Variants in SMC6 observed in about 807,000 individuals in gnomAD.
SMC6 encodes the protein structural maintenance of chromosomes protein 6.
Under a neutral mutation model 142.2 loss-of-function variants are expected in SMC6, and 79 were observed. The ratio of observed to expected loss-of-function variants is 0.56; its 90% CI spans 0.46 to 0.67. The LOEUF is 0.67. Ranked by LOEUF, SMC6 falls within the 30% of genes least tolerant of loss-of-function variation. SMC6 has a pLI of 0.00. For missense variants in SMC6, 1,072 were observed against 1,284.0 expected, an observed-to-expected ratio of 0.83 and a Z score of 2.52; for synonymous variants, 411 against 412.4, an observed-to-expected ratio of 1.00 and a Z score of 0.04.
intron 7 of SMC6, among the ~76,000 whole-genome samples, chr2:17,730,861 G>A (rs552376965): frequency 9.2e-5 from 14 of 151,408 alleles, no homozygotes; most frequent in African/African-American, 2.9e-4. Flanking sequence ...TGATCCACCC[G>A]CCTTGGTCTC....
chr2:17,704,618 T>A (rs1433475032), intron 18 of SMC6, among the ~76,000 whole-genome samples: 1 of 152,210 alleles, frequency 6.6e-6, no homozygotes, highest in Non-Finnish European at 1.5e-5. Context: ...TGAATATTTC[T>A]CCACATTTTA....
At chr2:17,720,051 G>C (rs1669293496) in intron 11 of SMC6, among the ~76,000 whole-genome samples, 1 of 152,096 alleles carries the variant, frequency 6.6e-6, no homozygotes, top group East Asian at 1.9e-4. Context: ...AGTAAAGAAG[G>C]AAAAAACTAG....
At chr2:17,742,099 C>T (rs533239658) in intron 3 of SMC6, among the ~76,000 whole-genome samples, 128 of 152,218 alleles carry the variant, frequency 8.4e-4, no homozygotes, top group Middle Eastern at 3.4e-3. Flanking sequence ...GTTGTGACAA[C>T]CAAAAATATG....
intron 16 of SMC6, among the ~76,000 whole-genome samples, chr2:17,712,756 G>A (rs754305081): frequency 1.3e-5 from 2 of 152,060 alleles, no homozygotes; most frequent in African/African-American, 2.4e-5. Flanking sequence ...AATTCATACC[G>A]AAAAATTTCT....
intron 24 of SMC6, chr2:17,680,293 T>C (rs1361730176): frequency 6.6e-6 from 1 of 152,220 alleles, no homozygotes. Flanking sequence ...AGTTCCAGAC[T>C]ACCACAAAAA....
rs3747514 is a variant in SMC6 at position 17,753,771 on chromosome 2, T to C, written c.-238A>G. 0.05 allele frequency: 7,564 copies of C among 152,148 alleles called. 209 individuals carry two copies. The highest frequency in any genetic ancestry group is 0.099 in the Middle Eastern group (29 of 294). 9.4% of individuals were successfully genotyped at this position (152,148 alleles called of 1,614,324 possible). ...ACCGCGTGCCGGCCGCAGGAGAAGG[T>C]AGATTCCCGGGAGCCCCGGCGCCCA... On this transcript the variant is annotated 5_prime_UTR_variant, in exon 1 of 28. Coordinates refer to ENST00000448223, the MANE Select transcript of SMC6 (RefSeq NM_001142286.2).
rs895056935 is a variant in SMC6, at chr2:17,714,083, G to GT, written c.1730+777dup. The stretch of plus-strand genomic sequence containing the variant: ...GAATAGATATATACATTCATTTTTT[G>GT]TTTTTTTTGTTTTTTTTTTTTTTGA... On this transcript the variant is annotated intron_variant, in intron 16 of 27. Coordinates refer to ENST00000448223, the MANE Select transcript of SMC6 (RefSeq NM_001142286.2). Among the ~76,000 whole-genome samples the GT allele has an allele frequency of 1.1e-4, 13 of 118,242 alleles. No homozygotes were observed. The East Asian group carries it at 1.6e-3, about 15-fold the overall frequency. The allele number at this position is 118,242 out of a possible 152,430, so 77.6% of individuals were successfully genotyped here.
rs1276981406 is a variant in SMC6, at chr2:17,738,210, C to A, written c.344+11G>T. ...AGAATTGAAAATAGATGGTAGAAAG[C>A]AAACACTTACTTCTGTCCATCTTTC... On this transcript the variant is annotated intron_variant, in intron 5 of 27. Transcript: ENST00000448223. 6.3e-7 allele frequency: 1 copy of A among 1,578,662 alleles called. No individual in the cohort carries two copies. Among genetic ancestry groups the A allele is most frequent in the Non-Finnish European group, 8.7e-7 (1 of 1,152,114 alleles).
chr2:17,739,827 CACACACACACACACACAG>C (rs1201978741), intron 4 of SMC6, among the ~76,000 whole-genome samples: 2 of 114,580 alleles, frequency 1.7e-5, no homozygotes, highest in Non-Finnish European at 3.6e-5. Context: ...TTTAAACACA[CACACACACACACACACAG>C]ACACACACAC....
At chr2:17,734,726 ATTTTC>A (rs1670063669) in intron 5 of SMC6, among the ~76,000 whole-genome samples, 2 of 136,088 alleles carry the variant, frequency 1.5e-5, no homozygotes, top group African/African-American at 5.2e-5. Flanking sequence ...TGCTATATAA[ATTTTC>A]TTTTCTTTTT....
At position 17,731,364 on chromosome 2, in the gene SMC6, T is replaced by A. The variant is rs79695322; in HGVS notation, c.482-225A>T. On this transcript the variant is annotated intron_variant, in intron 6 of 27. Transcript: ENST00000448223. ...TATCTTGTTCCCACAGCTAAACATA[T>A]TTTGCTCCTTATCTATCTCTTTTTA... Among the ~76,000 whole-genome samples the A allele has an allele frequency of 8.9e-3, 1,355 of 152,324 alleles. 8 individuals carry two copies. The highest frequency in any genetic ancestry group is 0.014 in the Non-Finnish European group (966 of 68,030).
At chr2:17,745,676 A>G in intron 3 of SMC6, 151 bp downstream of exon 3, 2 of 699,332 alleles carry the variant, frequency 2.9e-6, no homozygotes, top group East Asian at 3.3e-5. Context: ...AATAATTAAC[A>G]TAAGCTTCAA....
chr2:17,678,419 T>C (rs1667092850), intron 25 of SMC6, among the ~76,000 whole-genome samples: 1 of 152,102 alleles, frequency 6.6e-6, no homozygotes, highest in South Asian at 2.1e-4. Flanking sequence ...GCAAAGACCA[T>C]CCTTAACTTA....
intron 23 of SMC6, among the ~76,000 whole-genome samples, chr2:17,694,212 T>C (rs528037924): frequency 2.6e-5 from 4 of 152,018 alleles, no homozygotes; most frequent in Admixed American, 2.6e-4. Flanking sequence ...GTCAGTGGGA[T>C]GGGAGGGGTA....
At chr2:17,705,970 A>C (rs977603705) in intron 18 of SMC6, among the ~76,000 whole-genome samples, 5 of 152,170 alleles carry the variant, frequency 3.3e-5, no homozygotes. Flanking sequence ...TTGTCTCCAC[A>C]GCACTGATCA....
chr2:17,735,377 G>A (rs1343482837), intron 5 of SMC6, among the ~76,000 whole-genome samples: 2 of 152,210 alleles, frequency 1.3e-5, no homozygotes, highest in African/African-American at 4.8e-5. Context: ...TGGCAGCAGT[G>A]CACATCAATG....
intron 24 of SMC6, chr2:17,680,670 T>C (rs1167066530): frequency 2.0e-5 from 3 of 152,190 alleles, no homozygotes; most frequent in Non-Finnish European, 4.4e-5. Flanking sequence ...CAATGAGCAG[T>C]AACATTTTCA....
chr2:17,666,525 A>G lies in SMC6; in HGVS notation c.3064-8T>C. The G allele has an allele frequency of 6.2e-7, 1 of 1,607,122 alleles. No individual in the cohort carries two copies. The highest frequency in any genetic ancestry group is 1.1e-5 in the South Asian group (1 of 90,698). On this transcript the variant is annotated splice_polypyrimidine_tract_variant and splice_region_variant and intron_variant, in intron 26 of 27. Transcript: ENST00000448223. ...TCTCCTATTAACCATATCCTGAAAA[A>G]CAAAGGCAAAAGTTAGGATTGCTAT...
intron 23 of SMC6, among the ~76,000 whole-genome samples, chr2:17,688,976 T>A (rs1667581711): frequency 6.6e-6 from 1 of 152,124 alleles, no homozygotes; most frequent in Admixed American, 6.5e-5. Flanking sequence ...TAGCAGAGGA[T>A]AAATCTAGGG....
Sources: gnomAD v4.1 joint callset for allele counts (sites outside exome capture counted in the v4.1 genomes callset) on GRCh38, gnomAD v4.1.1 for gene constraint, MANE v1.5 for transcripts, NCBI Gene and HGNC (gene_info 2026-07-23, HGNC 2026-07-21) for gene names.